Variants in DGKD observed in about 807,000 individuals in gnomAD.
DGKD encodes diacylglycerol kinase delta.
A neutral mutation model predicts 154.4 loss-of-function variants in DGKD; 68 were observed. The ratio of observed to expected loss-of-function variants is 0.44; its 90% CI spans 0.36 to 0.54. The LOEUF is 0.54. Among genes scored for constraint, DGKD ranks in the 20% least tolerant of loss-of-function variants. The pLI is 0.00. For missense variants in DGKD, 1,343 were observed against 1,593.6 expected (o/e 0.84, Z 2.68); for synonymous variants, 693 against 638.0 (o/e 1.09, Z -1.30).
rs553826031 is a variant in DGKD, at chr2:233,375,632, C to A, written c.157-12625C>A. ...ATAGGTCAGGAAGCTGGGGAGGCTG[C>A]CTCTAGTCCAGGCAGCACCAGCTTC... is the stretch of plus-strand genomic sequence containing the variant. On this transcript the variant is annotated intron_variant, in intron 1 of 29. Transcript: ENST00000264057. 5.9e-5 allele frequency among the ~76,000 whole-genome samples: 9 copies of A among 152,182 alleles called. No homozygotes were observed. The South Asian group carries it at 1.7e-3, about 28-fold the overall frequency.
At chr2:233,399,927 T>C (rs1195197213) in intron 3 of DGKD, among the ~76,000 whole-genome samples, 1 of 152,122 alleles carries the variant, frequency 6.6e-6, no homozygotes, top group Non-Finnish European at 1.5e-5. Context: ...TACTTTTATT[T>C]GTTTTGGGTG....
At chr2:233,465,883 GATT>G (rs112111683) in intron 27 of DGKD, among the ~76,000 whole-genome samples, 1,564 of 150,710 alleles carry the variant, frequency 0.01, 30 homozygotes, top group African/African-American at 0.036. Flanking sequence ...GATACAGAAA[GATT>G]AATAATAATT....
At chr2:233,434,724 T>A (rs779558587) in intron 4 of DGKD, 45 bp from the exon 5 acceptor site, 4 of 1,585,350 alleles carry the variant, frequency 2.5e-6, no homozygotes, top group East Asian at 2.2e-5. Context: ...TTTAACAATT[T>A]AAAAGAGAAG....
intron 19 of DGKD, 23 bp downstream of exon 19, chr2:233,454,896 C>T (rs371135440): frequency 1.8e-5 from 27 of 1,479,598 alleles, no homozygotes; most frequent in South Asian, 6.8e-5. Flanking sequence ...CTCAGGAGCA[C>T]GTCTGTCTTT....
intron 9 of DGKD, among the ~76,000 whole-genome samples, chr2:233,439,337 T>A (rs1391947932): frequency 6.6e-6 from 1 of 152,184 alleles, no homozygotes. Flanking sequence ...GTCCTTGGCG[T>A]ACATGCCAGG....
intron 1 of DGKD, among the ~76,000 whole-genome samples, chr2:233,378,539 T>C (rs1702714265): frequency 1.3e-5 from 2 of 152,174 alleles, no homozygotes; most frequent in African/African-American, 4.8e-5. Context: ...CGTGATCCAC[T>C]GTGCTCAGCC....
At chr2:233,373,155 G>A (rs1421604337) in intron 1 of DGKD, among the ~76,000 whole-genome samples, 1 of 152,212 alleles carries the variant, frequency 6.6e-6, no homozygotes, top group African/African-American at 2.4e-5. Context: ...GGCTCTCAAT[G>A]CCTGAAGCTG....
At chr2:233,442,958 T>C (rs1453565857) in intron 10 of DGKD, among the ~76,000 whole-genome samples, 1 of 152,082 alleles carries the variant, frequency 6.6e-6, no homozygotes, top group Non-Finnish European at 1.5e-5. Flanking sequence ...CTTGTGCCTG[T>C]GTCTGTAAGT....
intron 9 of DGKD, among the ~76,000 whole-genome samples, chr2:233,439,324 C>T (rs1035425511): frequency 2.0e-5 from 3 of 152,160 alleles, no homozygotes; most frequent in South Asian, 2.1e-4. Context: ...CAGCTCCCTG[C>T]GTGTCCTTGG....
rs565365318 is a variant in DGKD, at chr2:233,446,794, G to C, written c.1417G>C (p.Glu473Gln). 1.9e-6 allele frequency: 3 copies of C among 1,614,206 alleles called. No individual in the cohort carries two copies. Among genetic ancestry groups the C allele is most frequent in the Non-Finnish European group, 1.7e-6 (2 of 1,180,026 alleles). ...CACCGAAGACTTCAGCGAGGATTCC[G>C]AGGTATTGCTGGCCTGTTCTTCACA... ...TVTEDFSEDS[E>Q]VQQILFYEDS... The change falls in exon 12 of 30, where the codon GAG becomes CAG. Residue 473 changes from glutamate to glutamine, a missense_variant and splice_region_variant. Transcript: ENST00000264057.
At chr2:233,420,988 C>T (rs927738235) in intron 3 of DGKD, among the ~76,000 whole-genome samples, 1 of 152,146 alleles carries the variant, frequency 6.6e-6, no homozygotes. Flanking sequence ...TTCAGCTTGA[C>T]TGGTGATCGT....
intron 3 of DGKD, among the ~76,000 whole-genome samples, chr2:233,402,058 T>G (rs2061574270): frequency 6.6e-6 from 1 of 151,776 alleles, no homozygotes; most frequent in African/African-American, 2.4e-5. Flanking sequence ...GCCCAGTGCT[T>G]CTTAGGGAGC....
intron 1 of DGKD, among the ~76,000 whole-genome samples, chr2:233,366,060 A>T (rs776870052): frequency 1.1e-4 from 16 of 152,160 alleles, no homozygotes; most frequent in Admixed American, 6.5e-4. Context: ...CTGTGGCAAG[A>T]GGGAGCTTGG....
Position 233,354,751 on chromosome 2 carries a change from C to A in DGKD, c.156+77C>A. On this transcript the variant is annotated intron_variant, in intron 1 of 29. Coordinates refer to ENST00000264057, the MANE Select transcript of DGKD (RefSeq NM_152879.3). The surrounding 1 kb of genome is among the most constrained non-coding windows in gnomAD (Gnocchi z 4.8). ...CCCGGCCGAGGCCCGTGGCCCTGCCCGAGCGGCCGCCCAGGCCCGGCTCGG... is the reference window on the plus strand; with the variant it reads ...CCCGGCCGAGGCCCGTGGCCCTGCCAGAGCGGCCGCCCAGGCCCGGCTCGG... 1 of 888,066 alleles carries A rather than the reference C, an allele frequency of 1.1e-6. No individual in the cohort carries two copies. The highest frequency in any genetic ancestry group is 5.0e-5 in the South Asian group (1 of 19,910). 55.0% of individuals were successfully genotyped at this position (888,066 alleles called of 1,614,324 possible). A position where few individuals can be genotyped will look rare whatever the true frequency, so the allele number is the denominator to read the frequency against.
At chr2:233,432,120 G>A (rs2062534393) in intron 3 of DGKD, among the ~76,000 whole-genome samples, 2 of 144,164 alleles carry the variant, frequency 1.4e-5, no homozygotes, top group South Asian at 2.1e-4. Flanking sequence ...TGCCAGGCGT[G>A]GTGGCTCATG....
rs1273556521 is a variant in DGKD at position 233,462,707 on chromosome 2, A to G, written c.3158A>G (p.Glu1053Gly). 3 of 1,613,984 alleles carry G rather than the reference A, an allele frequency of 1.9e-6. No individual in the cohort carries two copies. Among genetic ancestry groups the G allele is most frequent in the South Asian group, 1.1e-5 (1 of 91,084 alleles). Residue 1053 changes from glutamate (E) to glycine (G), a missense_variant, in exon 26 of 30, where the codon GAG (glutamate) becomes GGG (glycine). Physicochemically the swap from Glu to Gly is moderately conservative, Grantham distance 98. Coordinates refer to ENST00000264057, the MANE Select transcript of DGKD (RefSeq NM_152879.3). The part of the protein sequence containing the change: ...NNFRALRSET[E>G]LLLSGKMALQ... ...TTCAGAGCTCTGCGCAGTGAGACGG[A>G]GCTGCTGCTGTCTGGGAAGATGGCC... is the stretch of plus-strand genomic sequence containing the variant.
chr2:233,363,864 G>A (rs1235038579), intron 1 of DGKD, among the ~76,000 whole-genome samples: 1 of 152,366 alleles, frequency 6.6e-6, no homozygotes, highest in East Asian at 1.9e-4. Flanking sequence ...CCATACAGAT[G>A]AGGTGTGTGC....
intron 3 of DGKD, among the ~76,000 whole-genome samples, chr2:233,411,021 A>G (rs781705600): frequency 6.6e-6 from 1 of 152,006 alleles, no homozygotes; most frequent in Admixed American, 6.6e-5. Context: ...CACTCAGCAT[A>G]ATGGTTTTGA....
chr2:233,409,758 A>T (rs1392330247), intron 3 of DGKD, among the ~76,000 whole-genome samples: 1 of 148,880 alleles, frequency 6.7e-6, no homozygotes, highest in Non-Finnish European at 1.5e-5. Flanking sequence ...TGAAGTGTAA[A>T]CCTAAAAAAC....
Sources: allele counts gnomAD v4.1 joint callset (sites outside exome capture counted in the v4.1 genomes callset), GRCh38; gene constraint gnomAD v4.1.1; non-coding constraint Gnocchi (gnomAD v3.1); transcripts MANE v1.5; gene names NCBI Gene and HGNC (gene_info 2026-07-23, HGNC 2026-07-21).